Variants in REDIC1 observed in about 807,000 individuals in gnomAD.
REDIC1 encodes HEI10 Interacting Protein 1.
At chr12:39,863,649 A>G in the REDIC1 span, among the ~76,000 whole-genome samples, 1 of 152,214 alleles carries the variant, frequency 6.6e-6, no homozygotes, top group Non-Finnish European at 1.5e-5. Flanking sequence ...AACTTCTACT[A>G]TGAAGACACC....
the REDIC1 span, among the ~76,000 whole-genome samples, chr12:39,702,158 T>G: frequency 6.6e-6 from 1 of 152,180 alleles, no homozygotes; most frequent in African/African-American, 2.4e-5. Flanking sequence ...GGAGCTGGTT[T>G]TTTGAAAGGA....
the REDIC1 span, among the ~76,000 whole-genome samples, chr12:39,645,232 C>T: frequency 2.6e-5 from 4 of 151,952 alleles, no homozygotes; most frequent in Non-Finnish European, 5.9e-5. Flanking sequence ...GCCTGAACTC[C>T]TGCACTTTCT....
At chr12:39,721,078 A>T in the REDIC1 span, 16 of 1,613,706 alleles carry the variant, frequency 9.9e-6, no homozygotes, top group Non-Finnish European at 1.3e-5. Flanking sequence ...TGATGCAGGG[A>T]TACAAACAGA....
chr12:39,759,992 T>G, the REDIC1 span: 1 of 1,545,836 alleles, frequency 6.5e-7, no homozygotes, highest in African/African-American at 1.4e-5. Flanking sequence ...CCCCCCAGTT[T>G]GTTTAAATAA....
the REDIC1 span, among the ~76,000 whole-genome samples, chr12:39,632,495 A>AATGTGTATATATTTATATACACAT: frequency 6.6e-6 from 1 of 152,160 alleles, no homozygotes; most frequent in Non-Finnish European, 1.5e-5. Flanking sequence ...TAACATTTTA[A>AATGTGTATATATTTATATACACAT]ATGTGTATAT....
the REDIC1 span, chr12:39,720,660 G>T: frequency 5.3e-6 from 4 of 757,826 alleles, no homozygotes; most frequent in Non-Finnish European, 8.7e-6. Context: ...TTTGTAACTT[G>T]CCAAACTCTC....
chr12:39,654,726 G>A, the REDIC1 span, among the ~76,000 whole-genome samples: 1 of 148,584 alleles, frequency 6.7e-6, no homozygotes, highest in Non-Finnish European at 1.5e-5. Context: ...GTGATTGTTC[G>A]GCTTTGGTAT....
chr12:39,726,040 T>G, the REDIC1 span, among the ~76,000 whole-genome samples: 1 of 152,074 alleles, frequency 6.6e-6, no homozygotes, highest in Non-Finnish European at 1.5e-5. Flanking sequence ...TGGAACAAAT[T>G]TGCCTTTTCA....
At chr12:39,738,646 A>T in the REDIC1 span, among the ~76,000 whole-genome samples, 1 of 152,348 alleles carries the variant, frequency 6.6e-6, no homozygotes, top group African/African-American at 2.4e-5. Context: ...ATCATAACCT[A>T]ATTGTACTGA....
At chr12:39,662,037 T>C in the REDIC1 span, among the ~76,000 whole-genome samples, 1 of 152,166 alleles carries the variant, frequency 6.6e-6, no homozygotes, top group African/African-American at 2.4e-5. Context: ...TCATGCTGTT[T>C]GGTTACTATA....
the REDIC1 span, among the ~76,000 whole-genome samples, chr12:39,750,024 C>G: frequency 6.6e-6 from 1 of 152,206 alleles, no homozygotes; most frequent in African/African-American, 2.4e-5. Context: ...GGGATGCCCT[C>G]TCTCACCACT....
At chr12:39,828,702 T>C in the REDIC1 span, among the ~76,000 whole-genome samples, 1 of 112,282 alleles carries the variant, frequency 8.9e-6, no homozygotes, top group Non-Finnish European at 1.8e-5. Context: ...TCTAGACTAG[T>C]AGTAACTTAG....
chr12:39,700,629 A>G, the REDIC1 span, among the ~76,000 whole-genome samples: 3 of 152,084 alleles, frequency 2.0e-5, no homozygotes, highest in African/African-American at 4.8e-5. Context: ...CAAGACACAT[A>G]ATTGTCAGAT....
chr12:39,633,004 A>C, the REDIC1 span, among the ~76,000 whole-genome samples: 2 of 152,116 alleles, frequency 1.3e-5, no homozygotes, highest in South Asian at 4.1e-4. Context: ...TTTATGTTTA[A>C]AGATGTTTTT....
the REDIC1 span, among the ~76,000 whole-genome samples, chr12:39,678,262 CTG>C: frequency 1.3e-5 from 2 of 152,050 alleles, no homozygotes; most frequent in African/African-American, 4.8e-5. Context: ...GATATTATAA[CTG>C]ATACTACAGA....
At chr12:39,702,715 A>G in the REDIC1 span, among the ~76,000 whole-genome samples, 1 of 152,230 alleles carries the variant, frequency 6.6e-6, no homozygotes, top group African/African-American at 2.4e-5. Flanking sequence ...ATCCAGCAGC[A>G]CATGAAAAAG....
chr12:39,718,167 G>C, the REDIC1 span, among the ~76,000 whole-genome samples: 1 of 151,950 alleles, frequency 6.6e-6, no homozygotes, highest in Non-Finnish European at 1.5e-5. Context: ...ATTTTATGAT[G>C]TTCTCTCTCT....
chr12:39,850,813 A>C, the REDIC1 span, among the ~76,000 whole-genome samples: 1 of 152,188 alleles, frequency 6.6e-6, no homozygotes, highest in Non-Finnish European at 1.5e-5. Context: ...ATTTTTGTGA[A>C]GATATCTATC....
At chr12:39,744,770 GA>G in the REDIC1 span, among the ~76,000 whole-genome samples, 2 of 151,964 alleles carry the variant, frequency 1.3e-5, no homozygotes, top group African/African-American at 2.4e-5. Flanking sequence ...AAAAATGGCA[GA>G]AAAAAGGTGG....
Sources: allele counts gnomAD v4.1 joint callset (sites outside exome capture counted in the v4.1 genomes callset), GRCh38; gene constraint gnomAD v4.1.1; transcripts MANE v1.5; gene names NCBI Gene and HGNC (gene_info 2026-07-23, HGNC 2026-07-21).